Variants in SLF1 observed in about 807,000 individuals in gnomAD.
The protein encoded by SLF1 is SMC5-SMC6 complex localization factor protein 1.
A neutral mutation model predicts 123.0 loss-of-function variants in SLF1; 105 were observed. The observed-to-expected ratio is 0.85, with a 90% CI of 0.73 to 1.00. The LOEUF is 1.00. Ranked by LOEUF, SLF1 falls within the 50% of genes least tolerant of loss-of-function variation. The pLI, the probability that SLF1 is intolerant of heterozygous loss-of-function variation, is 0.00. For synonymous variants in SLF1, 434 were observed against 406.6 expected (o/e 1.07, Z -0.81); for missense variants, 1,239 against 1,223.0 (o/e 1.01, Z -0.20).
At chr5:94,654,585 G>C (rs1445274247) in intron 8 of SLF1, 45 bp from the exon 9 acceptor site, 3 of 1,457,938 alleles carry the variant, frequency 2.1e-6, no homozygotes, top group Admixed American at 2.3e-5. Context: ...TGTTGACACT[G>C]TCTTTAGTAC....
intron 12 of SLF1, among the ~76,000 whole-genome samples, 165 bp from the exon 13 acceptor site, chr5:94,669,986 T>G (rs917786973): frequency 3.3e-5 from 5 of 152,028 alleles, no homozygotes; most frequent in African/African-American, 1.2e-4. Flanking sequence ...TTGACATTGT[T>G]TAATTTTTGA....
chr5:94,689,904 T>C (rs1411417758), intron 18 of SLF1, among the ~76,000 whole-genome samples: 1 of 152,192 alleles, frequency 6.6e-6, no homozygotes. Flanking sequence ...GCCTTACTTT[T>C]CTATTCCATC....
At chr5:94,645,416 T>C (rs1041228712) in intron 5 of SLF1, among the ~76,000 whole-genome samples, 1 of 152,210 alleles carries the variant, frequency 6.6e-6, no homozygotes, top group African/African-American at 2.4e-5. Context: ...TGGTAATTCA[T>C]TTCCATGTTG....
intron 15 of SLF1, among the ~76,000 whole-genome samples, chr5:94,681,715 T>A (rs1238756450): frequency 6.6e-6 from 1 of 150,908 alleles, no homozygotes; most frequent in Non-Finnish European, 1.5e-5. Context: ...TTCTCATTGT[T>A]CAGTTCCCAC....
At chr5:94,679,452 G>C (rs1351050695) in intron 15 of SLF1, among the ~76,000 whole-genome samples, 1 of 151,790 alleles carries the variant, frequency 6.6e-6, no homozygotes, top group East Asian at 1.9e-4. Flanking sequence ...AAAATTTGCT[G>C]GACGTGGTCT....
At chr5:94,669,730 A>G (rs1324777584) in intron 12 of SLF1, among the ~76,000 whole-genome samples, 1 of 152,014 alleles carries the variant, frequency 6.6e-6, no homozygotes, top group Non-Finnish European at 1.5e-5. Flanking sequence ...AATAATCTTC[A>G]TTTACTAACT....
At chr5:94,623,710 T>C (rs1009311904) in intron 1 of SLF1, among the ~76,000 whole-genome samples, 1 of 152,130 alleles carries the variant, frequency 6.6e-6, no homozygotes, top group Non-Finnish European at 1.5e-5. Flanking sequence ...TTGACTGTAC[T>C]TTAAAGGATT....
In SLF1 at chr5:94,678,972, T is replaced by A; in HGVS notation, c.1975+17T>A. The A allele has an allele frequency of 6.2e-7, 1 of 1,608,838 alleles. No individual in the cohort carries two copies. Among genetic ancestry groups the A allele is most frequent in the Middle Eastern group, 1.7e-4 (1 of 6,040 alleles). ...CGTGTGATGGTAAGTTTGTCTATGT[T>A]CTGTTTTTTTCAGACCCATTCTGGA... On this transcript the variant is annotated intron_variant, in intron 15 of 20. Transcript: ENST00000265140.
At chr5:94,620,106 C>G (rs139263047) in intron 1 of SLF1, 1 of 152,376 alleles carries the variant, frequency 6.6e-6, no homozygotes, top group Non-Finnish European at 1.5e-5. Flanking sequence ...TCTCGAACTC[C>G]TGATCTCAAG....
intron 19 of SLF1, 31 bp from the exon 20 acceptor site, chr5:94,692,043 G>A (rs1394604841): frequency 2.5e-6 from 4 of 1,608,198 alleles, no homozygotes; most frequent in South Asian, 1.1e-5. Context: ...TACTTCTGCT[G>A]TTTTAAAACT....
rs1337613885 is a variant in SLF1, at chr5:94,696,187, A to G, written c.*875A>G. The stretch of plus-strand genomic sequence containing the variant: ...TAAAACTAAAAGAAAGGGTGTGGAT[A>G]ATAACCACTTTTGAGATTGGAGTTT... On this transcript the variant is annotated 3_prime_UTR_variant, in exon 21 of 21. Coordinates refer to ENST00000265140, the MANE Select transcript of SLF1 (RefSeq NM_032290.4). The G allele has an allele frequency of 6.6e-6, 1 of 151,816 alleles. No homozygotes were observed. The highest frequency in any genetic ancestry group is 6.6e-5 in the Admixed American group (1 of 15,202). The allele number at this position is 151,816 out of a possible 1,614,324, so 9.4% of individuals were successfully genotyped here.
At chr5:94,639,438 CTT>C (rs1366523100) in intron 4 of SLF1, among the ~76,000 whole-genome samples, 3 of 152,198 alleles carry the variant, frequency 2.0e-5, no homozygotes, top group Admixed American at 1.3e-4. Context: ...TATTAGATCT[CTT>C]TTTTTAATGG....
chr5:94,670,357 T>C (rs1750300939), intron 13 of SLF1, 78 bp downstream of exon 13: 2 of 1,088,464 alleles, frequency 1.8e-6, no homozygotes, highest in South Asian at 4.0e-5. Context: ...ACAATTATTA[T>C]AAATATATTT....
intron 12 of SLF1, among the ~76,000 whole-genome samples, chr5:94,668,396 C>T (rs565860541): frequency 2.6e-5 from 4 of 151,780 alleles, no homozygotes; most frequent in Admixed American, 6.6e-5. Context: ...TGCAGTGGTG[C>T]GATCTCGGCT....
rs557917796 is a variant in SLF1 at position 94,655,289 on chromosome 5, ATGTC to A, written c.1155+541_1155+544del. ...GATTCTCTGTTCTTCACTGGTCTATATGTCTGTTTTTATACCAGTACCATGCTGT... is the reference window on the plus strand; with the variant it reads ...GATTCTCTGTTCTTCACTGGTCTATATGTTTTTATACCAGTACCATGCTGT... On this transcript the variant is annotated intron_variant, in intron 9 of 20. Coordinates refer to ENST00000265140, the MANE Select transcript of SLF1 (RefSeq NM_032290.4). Among the ~76,000 whole-genome samples the A allele has an allele frequency of 4.0e-4, 61 of 152,120 alleles. 1 individual carries two copies. The South Asian group carries it at 8.3e-3, about 21-fold the overall frequency.
intron 11 of SLF1, among the ~76,000 whole-genome samples, chr5:94,664,850 G>A (rs1749558162): frequency 1.3e-5 from 2 of 152,176 alleles, no homozygotes; most frequent in African/African-American, 4.8e-5. Flanking sequence ...ACTGAAATCT[G>A]CACATAATCA....
intron 3 of SLF1, 105 bp from the exon 4 acceptor site, chr5:94,630,398 A>G: frequency 7.7e-7 from 1 of 1,294,420 alleles, no homozygotes; most frequent in Non-Finnish European, 1.0e-6. Flanking sequence ...AGCATAGCTT[A>G]AGAGTCTTAT....
chr5:94,667,516 A>G (rs534966796), intron 12 of SLF1, among the ~76,000 whole-genome samples: 1 of 152,238 alleles, frequency 6.6e-6, no homozygotes, highest in African/African-American at 2.4e-5. Context: ...CTCTTTCCAA[A>G]GTGATCTTGT....
chr5:94,660,445 T>C (rs915815078), intron 9 of SLF1, among the ~76,000 whole-genome samples: 1 of 152,128 alleles, frequency 6.6e-6, no homozygotes, highest in African/African-American at 2.4e-5. Flanking sequence ...TGATACCCAT[T>C]CTCCCTGGCA....
Sources: allele counts gnomAD v4.1 joint callset (sites outside exome capture counted in the v4.1 genomes callset), GRCh38; gene constraint gnomAD v4.1.1; transcripts MANE v1.5; gene names NCBI Gene and HGNC (gene_info 2026-07-23, HGNC 2026-07-21).